TBL1X: variants seen among roughly 807,000 people sequenced by gnomAD.
TBL1X encodes F-box-like/WD repeat-containing protein TBL1X.
Under a neutral mutation model 50.7 loss-of-function variants are expected in TBL1X, and 10 were observed. The ratio of observed to expected loss-of-function variants is 0.20; its 90% CI spans 0.12 to 0.33. The LOEUF (loss-of-function observed/expected upper bound fraction) is 0.33, where lower values mean the gene tolerates loss of function less well. TBL1X is among the 10% of genes least tolerant of loss of function. The pLI, the probability that TBL1X is intolerant of heterozygous loss-of-function variation, is 1.00. For synonymous variants in TBL1X, 190 were observed against 214.7 expected (o/e 0.88, Z 1.01); for missense variants, 340 against 504.4 (o/e 0.67, Z 3.12).
chrX:9,599,373 T>TAC (rs2082543015), intron 2 of TBL1X, among the ~76,000 whole-genome samples: 1 of 112,486 alleles, frequency 8.9e-6, no homozygotes, highest in African/African-American at 3.2e-5. Context: ...GGCTTCAACA[T>TAC]ACGCCTTGGG....
At chrX:9,627,488 C>A (rs772969380) in intron 2 of TBL1X, among the ~76,000 whole-genome samples, 2 of 111,924 alleles carry the variant, frequency 1.8e-5, no homozygotes, top group African/African-American at 6.5e-5. Context: ...ATAGAAAATC[C>A]AAAAATTAAT....
chrX:9,713,264 C>T (rs1020461173), intron 16 of TBL1X, among the ~76,000 whole-genome samples: 46 of 111,080 alleles, frequency 4.1e-4, no homozygotes, highest in Non-Finnish European at 4.5e-4. Flanking sequence ...CAAGAGTCTC[C>T]GTTCCTGAAA....
chrX:9,607,852 C>T (rs1157131003), intron 2 of TBL1X, among the ~76,000 whole-genome samples: 1 of 110,090 alleles, frequency 9.1e-6, no homozygotes, highest in Non-Finnish European at 1.9e-5. Flanking sequence ...TTCACTCTGT[C>T]ACCCAGGCTG....
chrX:9,659,064 A>G (rs1188426701), intron 5 of TBL1X, among the ~76,000 whole-genome samples: 1 of 21,777 alleles, frequency 4.6e-5, no homozygotes, highest in Non-Finnish European at 1.4e-4. Context: ...GGTTCAAGAG[A>G]TCCTCCCCCC....
chrX:9,702,213 A>C (rs1407967922), intron 12 of TBL1X, among the ~76,000 whole-genome samples: 1 of 110,702 alleles, frequency 9.0e-6, no homozygotes, highest in Non-Finnish European at 1.9e-5. Flanking sequence ...AGGTGGGAGA[A>C]TCACTTGAGC....
At chrX:9,463,526 T>C (rs1041986864), upstream of TBL1X, 4 of 112,530 alleles carry the variant, frequency 3.6e-5, no homozygotes, top group Admixed American at 3.8e-4. Flanking sequence ...TTTTGCATCA[T>C]TGACGTTTTA....
chrX:9,595,006 T>G (rs769839741), intron 2 of TBL1X, among the ~76,000 whole-genome samples: 8 of 112,089 alleles, frequency 7.1e-5, no homozygotes, highest in Non-Finnish European at 1.5e-4. Context: ...CATTTCATTT[T>G]CCCCGCTGGG....
intron 1 of TBL1X, among the ~76,000 whole-genome samples, chrX:9,500,595 TCAAA>T (rs2081996301): frequency 9.0e-6 from 1 of 111,700 alleles, no homozygotes; most frequent in South Asian, 3.7e-4. Context: ...AGACTCCGTC[TCAAA>T]CAAACAAAAA....
chrX:9,654,389 G>A (rs1003582821), intron 5 of TBL1X, 67 bp downstream of exon 5: 1 of 1,081,368 alleles, frequency 9.2e-7, no homozygotes, highest in South Asian at 1.9e-5. Context: ...AAGGATCAAC[G>A]CTTAATTCAA....
At chrX:9,525,456 C>G (rs920154706) in intron 2 of TBL1X, among the ~76,000 whole-genome samples, 28 of 112,143 alleles carry the variant, frequency 2.5e-4, no homozygotes, top group African/African-American at 8.8e-4. Flanking sequence ...GCAAATACCG[C>G]GGGAACACTG....
At chrX:9,504,777 G>A in intron 2 of TBL1X, among the ~76,000 whole-genome samples, 1 of 111,754 alleles carries the variant, frequency 8.9e-6, no homozygotes, top group Admixed American at 9.5e-5. Context: ...AGAGAAAAAA[G>A]AATGAACAAA....
chrX:9,656,119 G>A (rs902536644), intron 5 of TBL1X, among the ~76,000 whole-genome samples: 6 of 112,495 alleles, frequency 5.3e-5, no homozygotes, highest in African/African-American at 1.9e-4. Context: ...TGGAAATCAG[G>A]GAAATGATAA....
At chrX:9,509,481 G>T in intron 2 of TBL1X, among the ~76,000 whole-genome samples, 1 of 58,723 alleles carries the variant, frequency 1.7e-5, no homozygotes, top group African/African-American at 5.6e-5. Context: ...GTACAGAATC[G>T]CTTTTTTTTT....
At chrX:9,689,279 A>G (rs1299878718) in intron 7 of TBL1X, among the ~76,000 whole-genome samples, 1 of 112,317 alleles carries the variant, frequency 8.9e-6, no homozygotes, top group African/African-American at 3.2e-5. Context: ...CCTGGTGTGT[A>G]GAGAGCCAGC....
intron 2 of TBL1X, among the ~76,000 whole-genome samples, chrX:9,542,514 T>C (rs1328306913): frequency 8.9e-6 from 1 of 111,851 alleles, no homozygotes; most frequent in African/African-American, 3.3e-5. Flanking sequence ...CTGTGGGTAG[T>C]GTGTCTTGTC....
chrX:9,525,623 C>G (rs1168601805), intron 2 of TBL1X, among the ~76,000 whole-genome samples: 2 of 111,848 alleles, frequency 1.8e-5, no homozygotes, highest in Non-Finnish European at 3.8e-5. Context: ...GCATAGTCTC[C>G]TGAGTGTTGT....
At chrX:9,698,804 C>T (rs1484509955) in intron 12 of TBL1X, among the ~76,000 whole-genome samples, 2 of 111,946 alleles carry the variant, frequency 1.8e-5, no homozygotes, top group South Asian at 3.7e-4. Flanking sequence ...AGATCAGCCT[C>T]GGGCCTGTGG....
At chrX:9,590,561 C>A (rs2082494767) in intron 2 of TBL1X, among the ~76,000 whole-genome samples, 1 of 111,984 alleles carries the variant, frequency 8.9e-6, no homozygotes, top group Admixed American at 9.5e-5. Flanking sequence ...TTCATTTGAA[C>A]AAAATATCAT....
chrX:9,712,837 G>A lies in TBL1X; in HGVS notation c.1605+1061G>A, dbSNP rs2083255858. On this transcript the variant is annotated intron_variant, in intron 16 of 17. Coordinates refer to ENST00000645353, the MANE Select transcript of TBL1X (RefSeq NM_005647.4). ...GGAAGTAGCACTGCATAGCATAAAGGATTGTATAGGGCCATCAGCACGTGA... is the reference window on the plus strand; with the variant it reads ...GGAAGTAGCACTGCATAGCATAAAGAATTGTATAGGGCCATCAGCACGTGA... Among the ~76,000 whole-genome samples the A allele has an allele frequency of 2.7e-5, 3 of 111,461 alleles. No individual in the cohort carries two copies. The Admixed American group carries it at 2.9e-4, about 11-fold the overall frequency.
Sources: allele counts gnomAD v4.1 joint callset (sites outside exome capture counted in the v4.1 genomes callset), GRCh38; gene constraint gnomAD v4.1.1; transcripts MANE v1.5; gene names NCBI Gene and HGNC (gene_info 2026-07-23, HGNC 2026-07-21).